Variants in PLEKHG4B observed in about 807,000 individuals in gnomAD.
The protein encoded by PLEKHG4B is pleckstrin homology domain-containing family G member 4B.
In PLEKHG4B, 111 loss-of-function variants were observed where a neutral mutation model predicts 121.3. That is an observed-to-expected ratio of 0.92 (90% CI 0.78 to 1.07). The LOEUF is 1.07. Among genes scored for constraint, PLEKHG4B ranks in the 50% least tolerant of loss-of-function variants. The probability of loss-of-function intolerance (pLI) is 0.00; values close to 1 mark genes in which losing one functional copy is unlikely to be tolerated. For missense variants in PLEKHG4B, 1,831 were observed against 1,757.8 expected, an observed-to-expected ratio of 1.04 and a Z score of -0.74; for synonymous variants, 738 against 725.0, an observed-to-expected ratio of 1.02 and a Z score of -0.29.
chr5:130,833 C>T (rs977028708), intron 2 of PLEKHG4B, among the ~76,000 whole-genome samples: 5 of 152,206 alleles, frequency 3.3e-5, no homozygotes, highest in African/African-American at 9.6e-5. Context: ...AACATGACTA[C>T]AAGATTTATA....
intron 1 of PLEKHG4B, among the ~76,000 whole-genome samples, chr5:100,260 G>T (rs890499639): frequency 6.6e-6 from 1 of 152,122 alleles, no homozygotes; most frequent in Admixed American, 6.5e-5. Flanking sequence ...TGTGCCAAAG[G>T]CCAAAATATA....
intron 1 of PLEKHG4B, among the ~76,000 whole-genome samples, chr5:101,403 C>A (rs373508111): frequency 4.8e-5 from 4 of 83,798 alleles, no homozygotes; most frequent in South Asian, 3.9e-4. Flanking sequence ...CTGGAAAAAG[C>A]CTGTAGGGGA....
Position 148,141 on chromosome 5 carries a change from T to G in PLEKHG4B, c.1905+3221T>G, listed in dbSNP as rs1037785612. On this transcript the variant is annotated intron_variant, in intron 6 of 19. Coordinates refer to ENST00000637938, the MANE Select transcript of PLEKHG4B (RefSeq NM_052909.5). ...ATATCATACTCAATGGCAAAAAAAC[T>G]GAAATCTTCTCATCTAAAATCAGGA... Among the ~76,000 whole-genome samples the G allele has an allele frequency of 6.6e-5, 10 of 152,004 alleles. No homozygotes were observed. The East Asian group carries it at 1.9e-3, about 29-fold the overall frequency.
rs1030926660 is a variant in PLEKHG4B at position 162,866 on chromosome 5, G to A, written c.2794G>A (p.Ala932Thr). ...GAGVAVLKPH[A>T]LGKPWASQQD... is the part of the protein sequence containing the mutation. ...AGGTGTGGCAGTGCTGAAGCCTCAT[G>A]CCCTGGGGAAACCGTGGGCATCACA... The change falls in exon 13 of 20, where the codon GCC (alanine) becomes ACC (threonine). Residue 932 changes from alanine (A) to threonine (T), a missense_variant. Coordinates refer to ENST00000637938, the MANE Select transcript of PLEKHG4B (RefSeq NM_052909.5). 2.6e-6 allele frequency: 4 copies of A among 1,519,466 alleles called. No individual in the cohort carries two copies. The highest frequency in any genetic ancestry group is 2.4e-5 in the East Asian group (1 of 42,430). 94.1% of individuals were successfully genotyped at this position (1,519,466 alleles called of 1,614,324 possible).
chr5:180,042 T>C (rs1029794932), intron 18 of PLEKHG4B, among the ~76,000 whole-genome samples: 2 of 152,190 alleles, frequency 1.3e-5, no homozygotes, highest in Admixed American at 6.5e-5. Context: ...AACCTTTATC[T>C]CGTGGATGTT....
chr5:98,011 A>G (rs72710818), intron 1 of PLEKHG4B, among the ~76,000 whole-genome samples: 6,573 of 152,160 alleles, frequency 0.043, 215 homozygotes, highest in Non-Finnish European at 0.058. Flanking sequence ...ATCTCAGTGT[A>G]GTTTTAATTT....
At chr5:161,712 C>A in intron 11 of PLEKHG4B, 71 bp from the exon 12 acceptor site, 1 of 1,605,910 alleles carries the variant, frequency 6.2e-7, no homozygotes, top group Non-Finnish European at 8.5e-7. Flanking sequence ...TACACGCAGA[C>A]CCAGCCCACA....
intron 1 of PLEKHG4B, among the ~76,000 whole-genome samples, chr5:98,837 CTTTTTTTTTT>C (rs925964165): frequency 3.8e-5 from 3 of 79,298 alleles, no homozygotes; most frequent in East Asian, 3.2e-4. Context: ...TTGAATTTTC[CTTTTTTTTTT>C]TTTTTTTTTC....
At chr5:104,341 C>T (rs1733911536) in intron 1 of PLEKHG4B, among the ~76,000 whole-genome samples, 2 of 152,232 alleles carry the variant, frequency 1.3e-5, no homozygotes, top group South Asian at 4.1e-4. Flanking sequence ...TGTGCATGTG[C>T]CAGTAACTTA....
chr5:164,676 T>C (rs1736206713), intron 13 of PLEKHG4B, among the ~76,000 whole-genome samples: 1 of 111,486 alleles, frequency 9.0e-6, no homozygotes, highest in Non-Finnish European at 2.0e-5. Flanking sequence ...ACTAATACTC[T>C]GACAGGGGGC....
At chr5:141,411 G>A (rs1018621089) in intron 3 of PLEKHG4B, among the ~76,000 whole-genome samples, 24 of 150,340 alleles carry the variant, frequency 1.6e-4, no homozygotes, top group African/African-American at 5.9e-4. Flanking sequence ...GCCTCTTCCA[G>A]CTTCTGGGGC....
chr5:150,680 A>G (rs1735577807), intron 6 of PLEKHG4B, among the ~76,000 whole-genome samples: 1 of 152,214 alleles, frequency 6.6e-6, no homozygotes, highest in Non-Finnish European at 1.5e-5. Context: ...AAATATGCCT[A>G]ACGTCATTAA....
chr5:117,616 G>A (rs2126363286), intron 2 of PLEKHG4B, among the ~76,000 whole-genome samples: 1 of 152,308 alleles, frequency 6.6e-6, no homozygotes, highest in South Asian at 2.1e-4. Context: ...ACTTTGGGAG[G>A]CCGAGGAGGG....
intron 1 of PLEKHG4B, among the ~76,000 whole-genome samples, chr5:101,349 GCC>G (rs1268772405): frequency 1.6e-4 from 20 of 122,372 alleles, no homozygotes; most frequent in Non-Finnish European, 4.9e-5. Flanking sequence ...CCTGGAAAAA[GCC>G]TGTAGGGGAG....
chr5:183,995 A>AGATC lies in PLEKHG4B; in HGVS notation c.*1675_*1676insCGAT, dbSNP rs1441102894. 6.8e-5 allele frequency: 7 copies of AGATC among 102,802 alleles called. No homozygotes were observed. Among genetic ancestry groups the AGATC allele is most frequent in the African/African-American group, 3.3e-4 (5 of 14,974 alleles). 6.4% of individuals were successfully genotyped at this position (102,802 alleles called of 1,614,324 possible). ...CAGATAGATAGATAGATAGATCGAT[A>AGATC]GATAGATAGATAGATAGATAGATAG... On this transcript the variant is annotated 3_prime_UTR_variant, in exon 20 of 20. Transcript: ENST00000637938.
rs964468475 is a variant in PLEKHG4B, at chr5:157,531, T to C, written c.2487+620T>C. On this transcript the variant is annotated intron_variant, in intron 11 of 19. Coordinates refer to ENST00000637938, the MANE Select transcript of PLEKHG4B (RefSeq NM_052909.5). The surrounding 1 kb of genome is among the most constrained non-coding windows in gnomAD (Gnocchi z 4.6). ...ACAGTGTGTGGCGTGGCTGGGGTTA[T>C]TGATGGCCCTTGGTGGACACACTGC... Among the ~76,000 whole-genome samples the C allele has an allele frequency of 1.3e-5, 2 of 152,102 alleles. No individual in the cohort carries two copies. Among genetic ancestry groups the C allele is most frequent in the African/African-American group, 4.8e-5 (2 of 41,400 alleles).
chr5:106,702 G>A (rs1332857638), intron 1 of PLEKHG4B, among the ~76,000 whole-genome samples: 1 of 152,238 alleles, frequency 6.6e-6, no homozygotes, highest in African/African-American at 2.4e-5. Flanking sequence ...GCTGAGAGCA[G>A]ACGTAGGTGT....
chr5:123,107 C>G (rs1734518647), intron 2 of PLEKHG4B, among the ~76,000 whole-genome samples: 1 of 152,136 alleles, frequency 6.6e-6, no homozygotes, highest in African/African-American at 2.4e-5. Context: ...AATACACATT[C>G]TTTTGAAGGT....
intron 2 of PLEKHG4B, among the ~76,000 whole-genome samples, chr5:138,359 G>T (rs1464936080): frequency 6.6e-6 from 1 of 152,134 alleles, no homozygotes; most frequent in East Asian, 1.9e-4. Flanking sequence ...CTTAAATTCT[G>T]GTAAAAGTTG....
Sources: allele counts gnomAD v4.1 joint callset (sites outside exome capture counted in the v4.1 genomes callset), GRCh38; gene constraint gnomAD v4.1.1; non-coding constraint Gnocchi (gnomAD v3.1); transcripts MANE v1.5; gene names NCBI Gene and HGNC (gene_info 2026-07-23, HGNC 2026-07-21).